The following DPYD variants were observed in gnomAD, a reference collection of about 807,000 sequenced individuals.
DPYD encodes the protein dihydropyrimidine dehydrogenase.
A neutral mutation model predicts 116.2 loss-of-function variants in DPYD; 109 were observed. The observed-to-expected ratio is 0.94, with a 90% CI of 0.80 to 1.10. The LOEUF is 1.10. DPYD is among the 50% of genes least tolerant of loss of function. The pLI is 0.00. For missense variants in DPYD, 1,302 were observed against 1,254.5 expected, an observed-to-expected ratio of 1.04 and a Z score of -0.57; for synonymous variants, 440 against 432.0, an observed-to-expected ratio of 1.02 and a Z score of -0.23.
intron 1 of DPYD, among the ~76,000 whole-genome samples, chr1:97,919,751 A>G (rs145952032): frequency 8.3e-4 from 126 of 152,316 alleles, no homozygotes; most frequent in African/African-American, 2.9e-3. Flanking sequence ...TCCAAAACAG[A>G]AACCAAAAGT....
chr1:97,546,018 A>G (rs1650826896), intron 12 of DPYD: 2 of 1,376,284 alleles, frequency 1.5e-6, no homozygotes, highest in African/African-American at 1.4e-5. Context: ...ATATGTGACC[A>G]TGAATATAAA....
At chr1:97,765,864 G>A (rs942458513) in intron 3 of DPYD, among the ~76,000 whole-genome samples, 12 of 152,296 alleles carry the variant, frequency 7.9e-5, no homozygotes, top group African/African-American at 2.9e-4. Flanking sequence ...CTAAAAAGAC[G>A]ATAAGTGAAC....
chr1:97,466,169 T>C (rs1046401127), intron 13 of DPYD, among the ~76,000 whole-genome samples: 2 of 152,164 alleles, frequency 1.3e-5, no homozygotes, highest in African/African-American at 2.4e-5. Flanking sequence ...ATCAAAATTA[T>C]AACAAAAAAA....
At chr1:97,088,963 T>A (rs1439906999) in intron 21 of DPYD, among the ~76,000 whole-genome samples, 1 of 152,210 alleles carries the variant, frequency 6.6e-6, no homozygotes, top group Non-Finnish European at 1.5e-5. Flanking sequence ...TTCTTTCTGT[T>A]CCCTCCTGTT....
At chr1:97,880,306 T>C (rs1672138873) in intron 2 of DPYD, among the ~76,000 whole-genome samples, 1 of 151,860 alleles carries the variant, frequency 6.6e-6, no homozygotes, top group Non-Finnish European at 1.5e-5. Flanking sequence ...TCGTATCTCA[T>C]CAGTTACTGG....
At chr1:97,660,971 C>T (rs1025431353) in intron 8 of DPYD, among the ~76,000 whole-genome samples, 3 of 152,030 alleles carry the variant, frequency 2.0e-5, no homozygotes, top group African/African-American at 7.2e-5. Flanking sequence ...ATTAGGAAAA[C>T]AAAACCCAAC....
intron 18 of DPYD, among the ~76,000 whole-genome samples, chr1:97,257,629 A>T (rs1333252951): frequency 6.6e-6 from 1 of 151,794 alleles, no homozygotes; most frequent in Non-Finnish European, 1.5e-5. Flanking sequence ...TTTTCAATTT[A>T]AAAAAAGTTT....
intron 7 of DPYD, among the ~76,000 whole-genome samples, chr1:97,690,120 T>A (rs940475404): frequency 6.6e-6 from 1 of 152,110 alleles, no homozygotes; most frequent in Admixed American, 6.5e-5. Flanking sequence ...ATTCTTTGCA[T>A]ATGTAAACAA....
intron 3 of DPYD, among the ~76,000 whole-genome samples, chr1:97,744,527 A>C (rs2101080147): frequency 6.6e-6 from 1 of 152,178 alleles, no homozygotes; most frequent in South Asian, 2.1e-4. Context: ...GCTTTGCTAG[A>C]GTTTGGTTTA....
chr1:97,826,273 C>T (rs1277081202), intron 3 of DPYD, among the ~76,000 whole-genome samples: 2 of 152,168 alleles, frequency 1.3e-5, no homozygotes, highest in African/African-American at 4.8e-5. Context: ...AGAATTTAAT[C>T]ATCTCTTCAT....
intron 5 of DPYD, among the ~76,000 whole-genome samples, chr1:97,711,604 T>G (rs1662287372): frequency 6.6e-6 from 1 of 151,988 alleles, no homozygotes; most frequent in Admixed American, 6.6e-5. Flanking sequence ...TGCATGAAAA[T>G]GATGCATTCG....
At chr1:97,336,818 T>G (rs1239232259) in intron 16 of DPYD, among the ~76,000 whole-genome samples, 1 of 152,124 alleles carries the variant, frequency 6.6e-6, no homozygotes, top group Non-Finnish European at 1.5e-5. Context: ...TGAGTTCTAC[T>G]TCTGACTTAG....
At chr1:97,681,278 C>A (rs190068395) in intron 7 of DPYD, among the ~76,000 whole-genome samples, 3 of 152,212 alleles carry the variant, frequency 2.0e-5, no homozygotes, top group African/African-American at 7.2e-5. Flanking sequence ...GCAGAGCTGG[C>A]ACCATCCTCA....
intron 11 of DPYD, among the ~76,000 whole-genome samples, chr1:97,552,546 A>G (rs1651402428): frequency 6.6e-6 from 1 of 152,070 alleles, no homozygotes. Flanking sequence ...TTTCTATTGT[A>G]TATGCATTGT....
intron 3 of DPYD, among the ~76,000 whole-genome samples, chr1:97,750,305 AAAAGG>A (rs1664798726): frequency 6.6e-6 from 1 of 152,108 alleles, no homozygotes; most frequent in Non-Finnish European, 1.5e-5. Context: ...AAAGAGGTGA[AAAAGG>A]AACTCAAATT....
rs67279659 is a variant in DPYD at position 97,337,652 on chromosome 1, AT to A, written c.2059-31356del. 7.6e-3 allele frequency among the ~76,000 whole-genome samples: 1,103 copies of A among 145,444 alleles called. 13 individuals are homozygous for A. Among genetic ancestry groups the A allele is most frequent in the African/African-American group, 0.023 (907 of 38,836 alleles). The stretch of plus-strand genomic sequence containing the variant: ...AAGTTGAAGGCTCATGACTTAACAC[AT>A]TTTTTTTTTTTTTTTTTGGAATTGG... On this transcript the variant is annotated intron_variant, in intron 16 of 22. Transcript: ENST00000370192.
chr1:97,406,087 A>C (rs1458817733), intron 14 of DPYD, among the ~76,000 whole-genome samples: 1 of 151,898 alleles, frequency 6.6e-6, no homozygotes, highest in African/African-American at 2.4e-5. Context: ...AAATTCATCA[A>C]TTATAGTTCA....
intron 13 of DPYD, among the ~76,000 whole-genome samples, chr1:97,470,272 C>T (rs1265404981): frequency 6.6e-6 from 1 of 152,072 alleles, no homozygotes; most frequent in Non-Finnish European, 1.5e-5. Flanking sequence ...AGTAAACAGC[C>T]TCTTTCTATT....
chr1:97,687,439 C>T lies in DPYD; in HGVS notation c.762+4278G>A, dbSNP rs149793295. Among the ~76,000 whole-genome samples the T allele has an allele frequency of 5.8e-3, 881 of 152,226 alleles. 13 individuals carry two copies. The highest frequency in any genetic ancestry group is 0.02 in the African/African-American group (837 of 41,520). ...AAACCCACAATGAGATACCATTTCA[C>T]ACCAGTCAGAATGGTGATTATTAAA... On this transcript the variant is annotated intron_variant, in intron 7 of 22. Coordinates refer to ENST00000370192, the MANE Select transcript of DPYD (RefSeq NM_000110.4).
Sources: gnomAD v4.1 joint callset for allele counts (sites outside exome capture counted in the v4.1 genomes callset) on GRCh38, gnomAD v4.1.1 for gene constraint, MANE v1.5 for transcripts, NCBI Gene and HGNC (gene_info 2026-07-23, HGNC 2026-07-21) for gene names.